HIVEP2: variants seen among roughly 807,000 people sequenced by gnomAD.
HIVEP2 encodes transcription factor HIVEP2.
Under a neutral mutation model 180.7 loss-of-function variants are expected in HIVEP2, and 14 were observed. The observed-to-expected ratio is 0.08, with a 90% CI of 0.05 to 0.12. HIVEP2 has a LOEUF of 0.12. HIVEP2 is among the 10% of genes least tolerant of loss of function. The pLI is 1.00. For missense variants in HIVEP2, 2,579 were observed against 3,008.5 expected (o/e 0.86, Z 3.34); for synonymous variants, 1,184 against 1,136.4 (o/e 1.04, Z -0.84).
intron 1 of HIVEP2, among the ~76,000 whole-genome samples, chr6:142,873,396 GAATT>G (rs1776346718): frequency 6.6e-6 from 1 of 152,128 alleles, no homozygotes; most frequent in Non-Finnish European, 1.5e-5. Context: ...GATGGACTGA[GAATT>G]AATCCAATCA....
intron 2 of HIVEP2, among the ~76,000 whole-genome samples, chr6:142,828,175 A>G (rs969391567): frequency 3.3e-5 from 5 of 152,204 alleles, no homozygotes; most frequent in Admixed American, 1.3e-4. Flanking sequence ...TAGGCACTCA[A>G]TAAGTAAGAG....
intron 1 of HIVEP2, among the ~76,000 whole-genome samples, chr6:142,839,539 T>C (rs55869577): frequency 7.9e-5 from 12 of 152,254 alleles, no homozygotes; most frequent in African/African-American, 2.9e-4. Flanking sequence ...ACCAATTGGT[T>C]TGTTTCAGTT....
At chr6:142,824,155 C>CT (rs1006265928) in intron 2 of HIVEP2, among the ~76,000 whole-genome samples, 1 of 152,028 alleles carries the variant, frequency 6.6e-6, no homozygotes, top group Non-Finnish European at 1.5e-5. Flanking sequence ...TATATAATTG[C>CT]TTTTTTGGAG....
In HIVEP2 at chr6:142,753,466, T is replaced by C; in HGVS notation, c.6982A>G (p.Thr2328Ala). ...TEREQEENIQ[T>A]CTKAIASLRI... ...AGAGAGGCAATGGCTTTTGTACAAG[T>C]CTGTATATTTTCCTCCTGTTCCCGC... Residue 2328 changes from threonine to alanine, a missense_variant, in exon 10 of 10, where the codon ACT (threonine) becomes GCT (alanine). Physicochemically the swap from Thr to Ala is moderately conservative, Grantham distance 58. Transcript: ENST00000367603. 1 of 1,613,908 alleles carries C rather than the reference T, an allele frequency of 6.2e-7. No homozygotes were observed. The highest frequency in any genetic ancestry group is 1.1e-5 in the South Asian group (1 of 91,082).
intron 1 of HIVEP2, among the ~76,000 whole-genome samples, chr6:142,927,534 C>G (rs1777847230): frequency 6.6e-6 from 1 of 152,134 alleles, no homozygotes. Flanking sequence ...TTTCTAAAAG[C>G]ATATTCTATA....
At chr6:142,755,354 T>A (rs750758682) in intron 9 of HIVEP2, among the ~76,000 whole-genome samples, 1 of 152,152 alleles carries the variant, frequency 6.6e-6, no homozygotes, top group Non-Finnish European at 1.5e-5. Flanking sequence ...ATCCCCCTTG[T>A]ATTTAATCAG....
At chr6:142,923,061 C>T (rs1006887917) in intron 1 of HIVEP2, among the ~76,000 whole-genome samples, 4 of 152,066 alleles carry the variant, frequency 2.6e-5, no homozygotes, top group South Asian at 2.1e-4. Context: ...AGGCCAGGCG[C>T]GGTGGCTCAT....
chr6:142,911,313 A>C (rs1228721299), intron 1 of HIVEP2, among the ~76,000 whole-genome samples: 1 of 151,932 alleles, frequency 6.6e-6, no homozygotes, highest in East Asian at 2.0e-4. Flanking sequence ...TAAACATAGC[A>C]ATTTTCAAGT....
intron 2 of HIVEP2, among the ~76,000 whole-genome samples, chr6:142,800,369 C>A (rs1390467481): frequency 6.6e-6 from 1 of 152,158 alleles, no homozygotes; most frequent in Non-Finnish European, 1.5e-5. Context: ...GGGACTCTAA[C>A]TGTCAGATGG....
At chr6:142,841,323 T>C (rs1775356578) in intron 1 of HIVEP2, among the ~76,000 whole-genome samples, 1 of 152,172 alleles carries the variant, frequency 6.6e-6, no homozygotes, top group Non-Finnish European at 1.5e-5. Flanking sequence ...TGTCTATTTC[T>C]GGGCTCACCC....
intron 2 of HIVEP2, among the ~76,000 whole-genome samples, chr6:142,827,530 G>A (rs563818063): frequency 3.9e-5 from 6 of 152,294 alleles, no homozygotes; most frequent in Admixed American, 2.6e-4. Flanking sequence ...GTGCGCGCAC[G>A]CACGTGCACG....
intron 2 of HIVEP2, among the ~76,000 whole-genome samples, chr6:142,832,206 A>C (rs191305723): frequency 0.014 from 2,144 of 150,902 alleles, 49 homozygotes; most frequent in African/African-American, 0.05. Context: ...AAAAAAAAAA[A>C]CAGAAAACAA....
intron 1 of HIVEP2, among the ~76,000 whole-genome samples, chr6:142,911,215 C>T (rs1009583023): frequency 6.2e-5 from 9 of 146,194 alleles, no homozygotes; most frequent in East Asian, 4.0e-4. Flanking sequence ...AGAGGACAAA[C>T]GTGCTGAGAG....
intron 2 of HIVEP2, among the ~76,000 whole-genome samples, chr6:142,823,646 C>T (rs2114839579): frequency 6.6e-6 from 1 of 152,284 alleles, no homozygotes; most frequent in Middle Eastern, 3.4e-3. Context: ...GTTCTAGAAT[C>T]GTTAATAATT....
chr6:142,906,066 G>C (rs1025496956), intron 1 of HIVEP2, among the ~76,000 whole-genome samples: 1 of 152,130 alleles, frequency 6.6e-6, no homozygotes, highest in Admixed American at 6.5e-5. Flanking sequence ...CCCGGGAGGT[G>C]GAGGTTGCAG....
chr6:142,810,868 T>A lies in HIVEP2; in HGVS notation c.-528+26067A>T, dbSNP rs77232444. ...TGTCTTCAAACTGATTTCTGCTTCA[T>A]GGTTTTCCAAGGAGAATTGAAAAAA... On this transcript the variant is annotated intron_variant, in intron 2 of 9. Coordinates refer to ENST00000367603, the MANE Select transcript of HIVEP2 (RefSeq NM_006734.4). Among the ~76,000 whole-genome samples the A allele has an allele frequency of 8.1e-3, 1,235 of 151,936 alleles. 16 individuals carry two copies. Among genetic ancestry groups the A allele is most frequent in the Middle Eastern group, 0.038 (11 of 292 alleles).
At chr6:142,888,987 C>A (rs1375054918) in intron 1 of HIVEP2, among the ~76,000 whole-genome samples, 1 of 152,208 alleles carries the variant, frequency 6.6e-6, no homozygotes, top group Non-Finnish European at 1.5e-5. Context: ...TTGTATCATA[C>A]AAAGTCTTGT....
chr6:142,864,967 C>T (rs1223780257), intron 1 of HIVEP2, among the ~76,000 whole-genome samples: 3 of 152,212 alleles, frequency 2.0e-5, no homozygotes, highest in African/African-American at 4.8e-5. Flanking sequence ...CTGTGTCTAT[C>T]TACCTATATG....
intron 1 of HIVEP2, among the ~76,000 whole-genome samples, chr6:142,844,760 C>T (rs750820010): frequency 6.6e-6 from 1 of 152,164 alleles, no homozygotes; most frequent in Non-Finnish European, 1.5e-5. Context: ...ACCTTCCCTC[C>T]CGTCAATCCA....
Sources: gnomAD v4.1 joint callset for allele counts (sites outside exome capture counted in the v4.1 genomes callset) on GRCh38, gnomAD v4.1.1 for gene constraint, MANE v1.5 for transcripts, NCBI Gene and HGNC (gene_info 2026-07-23, HGNC 2026-07-21) for gene names.